KREMEN1: variants seen among roughly 807,000 people sequenced by gnomAD.
KREMEN1 encodes kringle containing transmembrane protein 1, also known as kremen protein 1.
In KREMEN1, 30 loss-of-function variants were observed where a neutral mutation model predicts 46.5. The ratio of observed to expected loss-of-function variants is 0.65; its 90% CI spans 0.48 to 0.88. The LOEUF (loss-of-function observed/expected upper bound fraction) is 0.88, where lower values mean the gene tolerates loss of function less well. KREMEN1 is among the 40% of genes least tolerant of loss of function. The pLI is 0.00. For synonymous variants in KREMEN1, 214 were observed against 230.6 expected, an observed-to-expected ratio of 0.93 and a Z score of 0.65; for missense variants, 533 against 596.9, an observed-to-expected ratio of 0.89 and a Z score of 1.11.
At chr22:29,103,424 G>A (rs1392494732) in intron 3 of KREMEN1, among the ~76,000 whole-genome samples, 1 of 152,198 alleles carries the variant, frequency 6.6e-6, no homozygotes, top group East Asian at 1.9e-4. Context: ...TCAAATGGGA[G>A]CAGAGGGAAA....
In KREMEN1 at chr22:29,142,341, C is replaced by A; in HGVS notation, c.*229C>A. 3.3e-6 allele frequency: 4 copies of A among 1,226,628 alleles called. No homozygotes were observed. Among genetic ancestry groups the A allele is most frequent in the Middle Eastern group, 6.4e-4 (2 of 3,144 alleles). 76.0% of individuals were successfully genotyped at this position (1,226,628 alleles called of 1,614,324 possible). On this transcript the variant is annotated 3_prime_UTR_variant, in exon 9 of 9. Transcript: ENST00000400335. ...TTGCACTTAGGAGAGAGACTCAAAGCCCTGGGGCCCGGCCCTCTCTGCATC... is the reference window on the plus strand; with the variant it reads ...TTGCACTTAGGAGAGAGACTCAAAGACCTGGGGCCCGGCCCTCTCTGCATC...
At chr22:29,133,439 T>C (rs1451148665) in intron 5 of KREMEN1, among the ~76,000 whole-genome samples, 1 of 151,966 alleles carries the variant, frequency 6.6e-6, no homozygotes, top group Non-Finnish European at 1.5e-5. Context: ...TAGCTGGGAT[T>C]ATGGGCATGT....
intron 5 of KREMEN1, among the ~76,000 whole-genome samples, chr22:29,130,928 A>G (rs547717154): frequency 6.6e-6 from 1 of 152,346 alleles, no homozygotes; most frequent in African/African-American, 2.4e-5. Flanking sequence ...AATTTTAATA[A>G]TCCATCATAA....
chr22:29,163,768 G>C (rs1053228749), intron 9 of KREMEN1, among the ~76,000 whole-genome samples: 32 of 152,168 alleles, frequency 2.1e-4, no homozygotes, highest in African/African-American at 7.0e-4. Flanking sequence ...GACTACTAAG[G>C]GGGGAAGGGA....
intron 9 of KREMEN1, among the ~76,000 whole-genome samples, chr22:29,161,906 A>C (rs1366640258): frequency 6.6e-6 from 1 of 152,118 alleles, no homozygotes; most frequent in Non-Finnish European, 1.5e-5. Context: ...ACTAGAGGCC[A>C]TAAGTTCGAG....
intron 5 of KREMEN1, among the ~76,000 whole-genome samples, chr22:29,132,498 T>C (rs1381352066): frequency 6.6e-6 from 1 of 152,230 alleles, no homozygotes; most frequent in Non-Finnish European, 1.5e-5. Flanking sequence ...CCAATATGTA[T>C]GATTTTCATT....
chr22:29,147,361 G>GT (rs1488209663), downstream of KREMEN1, among the ~76,000 whole-genome samples: 6 of 152,142 alleles, frequency 3.9e-5, no homozygotes, highest in African/African-American at 1.4e-4. Context: ...GAAGCTCCAC[G>GT]TATGAGCTGC....
intron 3 of KREMEN1, among the ~76,000 whole-genome samples, chr22:29,108,096 G>A (rs2038089711): frequency 6.6e-6 from 1 of 152,230 alleles, no homozygotes. Flanking sequence ...CGCCAGCCTG[G>A]GCAATGTGGT....
Position 29,138,674 on chromosome 22 carries a change from G to A in KREMEN1, c.1015G>A (p.Ala339Thr), listed in dbSNP as rs1329873016. 4 of 1,614,206 alleles carry A rather than the reference G, an allele frequency of 2.5e-6. No homozygotes were observed. The highest frequency in any genetic ancestry group is 3.4e-6 in the Non-Finnish European group (4 of 1,180,032). ...QERPAVNQTVAEVITEQANLS... is the reference protein window; with the variant it reads ...QERPAVNQTVTEVITEQANLS... ...GAGGCCCGCTGTCAACCAGACGGTG[G>A]CCGAGGTGATCACGGAGCAGGCCAA... is the stretch of plus-strand genomic sequence containing the variant. Residue 339 changes from alanine (A) to threonine (T), a missense_variant, in exon 7 of 9, where the codon GCC becomes ACC. Physicochemically the swap from Ala to Thr is moderately conservative, Grantham distance 58 (BLOSUM62 0). Coordinates refer to ENST00000400335, the MANE Select transcript of KREMEN1 (RefSeq NM_001039570.3).
intron 2 of KREMEN1, among the ~76,000 whole-genome samples, chr22:29,094,646 C>T (rs1180904530): frequency 7.8e-6 from 1 of 128,084 alleles, no homozygotes; most frequent in Admixed American, 8.2e-5. Flanking sequence ...TTTTTTGAGA[C>T]GGCGTCTCGC....
chr22:29,094,398 C>A lies in KREMEN1; in HGVS notation c.238C>A (p.Leu80Met). 6.2e-7 allele frequency: 1 copy of A among 1,613,526 alleles called. No individual in the cohort carries two copies. Among genetic ancestry groups the A allele is most frequent in the African/African-American group, 1.3e-5 (1 of 74,976 alleles). ...TLKYPNGEGG[L>M]GEHNYCRNPD... ...GAAATACCCCAACGGGGAGGGGGGC[C>A]TGGGTGAGCACAACTATTGCAGGTA... is the stretch of plus-strand genomic sequence containing the variant. The change falls in exon 2 of 9, where the codon CTG (leucine) becomes ATG (methionine). Residue 80 changes from leucine to methionine, a missense_variant. Coordinates refer to ENST00000400335, the MANE Select transcript of KREMEN1 (RefSeq NM_001039570.3).
rs148738725 is a variant in KREMEN1 at position 29,131,523 on chromosome 22, C to CATATATAT, written c.632-5788_632-5781dup. Reference sequence around the variant, plus strand: ...AGCAACAACTGATCTGTATTCTGTTCATATATATATATATATATATATATA... The same window carrying CATATATAT: ...AGCAACAACTGATCTGTATTCTGTTCATATATATATATATATATATATATATATATATA... On this transcript the variant is annotated intron_variant, in intron 5 of 8. Coordinates refer to ENST00000400335, the MANE Select transcript of KREMEN1 (RefSeq NM_001039570.3). 2.5e-3 allele frequency among the ~76,000 whole-genome samples: 230 copies of CATATATAT among 93,572 alleles called. 5 individuals are homozygous for CATATATAT. Among genetic ancestry groups the CATATATAT allele is most frequent in the African/African-American group, 0.013 (187 of 14,224 alleles). 61.4% of individuals were successfully genotyped at this position (93,572 alleles called of 152,430 possible). A position where few individuals can be genotyped will look rare whatever the true frequency, so the allele number is the denominator to read the frequency against.
At chr22:29,085,977 A>AAT (rs1424128519) in intron 1 of KREMEN1, among the ~76,000 whole-genome samples, 3 of 151,186 alleles carry the variant, frequency 2.0e-5, no homozygotes, top group Admixed American at 1.3e-4. Context: ...TCTCAAAAAA[A>AAT]AAAAGTGCCT....
downstream of KREMEN1, among the ~76,000 whole-genome samples, chr22:29,148,404 G>A (rs958931951): frequency 6.6e-6 from 1 of 152,130 alleles, no homozygotes; most frequent in African/African-American, 2.4e-5. Flanking sequence ...GAGTAGGACA[G>A]GAGACAAGGA....
rs546321724 is a variant in KREMEN1 at position 29,141,974 on chromosome 22, T to C, written c.1239T>C (p.Leu413=). Residue 413 remains leucine (L), a synonymous_variant, in exon 9 of 9, where the codon CTT becomes CTC. Transcript: ENST00000400335. ...KSHRVPASGD[L]RDCHQPGTSG... ...ATCGTGTTCCTGCTTCAGGGGACCTTAGGGATTGTCATCAACCAGGGACTT... is the reference window on the plus strand; with the variant it reads ...ATCGTGTTCCTGCTTCAGGGGACCTCAGGGATTGTCATCAACCAGGGACTT... 1 of 1,611,562 alleles carries C rather than the reference T, an allele frequency of 6.2e-7. No homozygotes were observed. Among genetic ancestry groups the C allele is most frequent in the African/African-American group, 1.3e-5 (1 of 74,874 alleles).
chr22:29,165,217 C>T (rs1052042535), intron 9 of KREMEN1, among the ~76,000 whole-genome samples: 3 of 151,620 alleles, frequency 2.0e-5, no homozygotes, highest in Non-Finnish European at 4.4e-5. Flanking sequence ...CAAGACTGGC[C>T]AGGGCAACAG....
chr22:29,133,292 T>A (rs1156283781), intron 5 of KREMEN1, among the ~76,000 whole-genome samples: 1 of 151,840 alleles, frequency 6.6e-6, no homozygotes, highest in Non-Finnish European at 1.5e-5. Flanking sequence ...ATCTTTGGTT[T>A]TGGTTTTCAA....
chr22:29,161,913 C>T (rs780115535), intron 9 of KREMEN1, among the ~76,000 whole-genome samples: 2 of 151,940 alleles, frequency 1.3e-5, no homozygotes, highest in Non-Finnish European at 2.9e-5. Flanking sequence ...GCCATAAGTT[C>T]GAGACCAGCC....
intron 7 of KREMEN1, among the ~76,000 whole-genome samples, chr22:29,139,496 A>G (rs145142115): frequency 2.0e-3 from 308 of 152,238 alleles, no homozygotes; most frequent in African/African-American, 7.0e-3. Context: ...CCAGCTACTT[A>G]GGAGGTTGAG....
Sources: allele counts gnomAD v4.1 joint callset (sites outside exome capture counted in the v4.1 genomes callset), GRCh38; gene constraint gnomAD v4.1.1; transcripts MANE v1.5; gene names NCBI Gene and HGNC (gene_info 2026-07-23, HGNC 2026-07-21).